The following SEC14L5 variants were observed in gnomAD, a reference collection of about 807,000 sequenced individuals.
The protein encoded by SEC14L5 is SEC14 like lipid binding 5.
Under a neutral mutation model 84.6 loss-of-function variants are expected in SEC14L5, and 96 were observed. That is an observed-to-expected ratio of 1.13 (90% CI 0.96 to 1.34). The LOEUF is 1.34. Ranked by LOEUF, SEC14L5 falls within the 40% of genes most tolerant of loss-of-function variation. SEC14L5 has a pLI of 0.00. For synonymous variants in SEC14L5, 546 were observed against 383.4 expected (o/e 1.42, Z -4.95); for missense variants, 1,224 against 942.5 (o/e 1.30, Z -3.91).
rs758318632 is a variant in SEC14L5 at position 5,000,760 on chromosome 16, G to A, written c.1059+17G>A. 2.0e-5 allele frequency: 31 copies of A among 1,554,136 alleles called. 1 individual carries two copies. The South Asian group carries it at 2.5e-4, about 12-fold the overall frequency. On this transcript the variant is annotated intron_variant, in intron 9 of 15. Coordinates refer to ENST00000251170, the MANE Select transcript of SEC14L5 (RefSeq NM_014692.2). The stretch of plus-strand genomic sequence containing the variant: ...CTGCGGCATGTGAGTCAGGGGCCTC[G>A]TTCCTGGACGCCGTGCCTGGGGCCG...
rs765700967 is a variant in SEC14L5 at position 5,011,227 on chromosome 16, T to G, written c.1933T>G (p.Cys645Gly). 6.2e-7 allele frequency: 1 copy of G among 1,613,858 alleles called. No individual in the cohort carries two copies. Among genetic ancestry groups the G allele is most frequent in the Non-Finnish European group, 8.5e-7 (1 of 1,179,876 alleles). Residue 645 changes from cysteine (C) to glycine (G), a missense_variant, in exon 15 of 16, where the codon TGC becomes GGC. Coordinates refer to ENST00000251170, the MANE Select transcript of SEC14L5 (RefSeq NM_014692.2). ...GGCTCTGCACAGCCCCGGGCCCAAG[T>G]GCAAACTTCTCTACTACTGTGAGGT... ...LTALHSPGPK[C>G]KLLYYCEVLA... is the part of the protein sequence containing the mutation.
chr16:4,970,837 C>T (rs1194494745), intron 2 of SEC14L5, among the ~76,000 whole-genome samples: 2 of 152,144 alleles, frequency 1.3e-5, no homozygotes, highest in Non-Finnish European at 1.5e-5. Flanking sequence ...TGGCTGGGTG[C>T]GGTGGCTCGT....
chr16:4,985,507 C>G (rs989297451), intron 2 of SEC14L5, among the ~76,000 whole-genome samples: 1 of 152,190 alleles, frequency 6.6e-6, no homozygotes. Flanking sequence ...GGATTAGAAG[C>G]GTGAGCCACC....
chr16:4,978,124 C>T (rs1002722630), intron 2 of SEC14L5, among the ~76,000 whole-genome samples: 1 of 134,294 alleles, frequency 7.4e-6, no homozygotes, highest in Non-Finnish European at 1.6e-5. Context: ...TTTAAAGAAA[C>T]AAGATCTTGG....
At chr16:4,968,834 C>G (rs118094816) in intron 2 of SEC14L5, among the ~76,000 whole-genome samples, 2 of 152,152 alleles carry the variant, frequency 1.3e-5, no homozygotes, top group African/African-American at 4.8e-5. Flanking sequence ...GGAAGGGTTA[C>G]GGAGGTAAGG....
At chr16:5,013,335 C>G (rs17706797) in intron 15 of SEC14L5, among the ~76,000 whole-genome samples, 1 of 151,896 alleles carries the variant, frequency 6.6e-6, no homozygotes, top group South Asian at 2.1e-4. Flanking sequence ...GAACGTGACA[C>G]TGGACTGAGA....
intron 2 of SEC14L5, among the ~76,000 whole-genome samples, chr16:4,963,044 G>A (rs902125352): frequency 2.6e-5 from 4 of 152,136 alleles, no homozygotes; most frequent in African/African-American, 9.7e-5. Context: ...GCATCCGAGT[G>A]ACCAGAAAAG....
chr16:4,999,622 A>G (rs1955653434), intron 8 of SEC14L5, among the ~76,000 whole-genome samples: 1 of 151,946 alleles, frequency 6.6e-6, no homozygotes, highest in Non-Finnish European at 1.5e-5. Flanking sequence ...CCTGCCTCAA[A>G]GAACAAAGAG....
rs2142512467 is a variant in SEC14L5, at chr16:4,996,419, A to C, written c.739A>C (p.Ile247Leu). Residue 247 changes from isoleucine (I) to leucine (L), a missense_variant, in exon 7 of 16, where the codon ATC becomes CTC. Ile to Leu is a conservative substitution (Grantham distance 5). Coordinates refer to ENST00000251170, the MANE Select transcript of SEC14L5 (RefSeq NM_014692.2). ...HLTPMQESCL[I>L]QLRHWLQETH... ...CACGCCCATGCAGGAGAGCTGCCTG[A>C]TCCAGCTTCGGCACTGGTTACAGGA... The C allele has an allele frequency of 6.4e-7, 1 of 1,574,158 alleles. No homozygotes were observed. The highest frequency in any genetic ancestry group is 2.4e-5 in the East Asian group (1 of 42,382).
intron 10 of SEC14L5, among the ~76,000 whole-genome samples, chr16:5,001,665 T>TC (rs957636914): frequency 2.0e-5 from 3 of 152,120 alleles, no homozygotes; most frequent in African/African-American, 7.2e-5. Context: ...GTCCTCTGAC[T>TC]CCCCCGCATT....
intron 2 of SEC14L5, among the ~76,000 whole-genome samples, chr16:4,968,262 C>G (rs1435264611): frequency 6.6e-6 from 1 of 151,720 alleles, no homozygotes; most frequent in Non-Finnish European, 1.5e-5. Context: ...TCACTGAAAC[C>G]TCTGCCTCCC....
intron 6 of SEC14L5, among the ~76,000 whole-genome samples, chr16:4,994,028 C>A (rs1327463123): frequency 6.9e-6 from 1 of 145,612 alleles, no homozygotes; most frequent in Non-Finnish European, 1.5e-5. Flanking sequence ...TTCTTATTTG[C>A]CCATTGCTTT....
In SEC14L5 at chr16:5,016,374, G is replaced by C. The variant is rs979109642; in HGVS notation, c.*1404G>C. The C allele has an allele frequency of 1.3e-5, 2 of 152,172 alleles. No homozygotes were observed. Among genetic ancestry groups the C allele is most frequent in the Non-Finnish European group, 2.9e-5 (2 of 68,036 alleles). 9.4% of individuals were successfully genotyped at this position (152,172 alleles called of 1,614,324 possible). On this transcript the variant is annotated 3_prime_UTR_variant, in exon 16 of 16. Coordinates refer to ENST00000251170, the MANE Select transcript of SEC14L5 (RefSeq NM_014692.2). ...AGTGTTGCTTTTTTGCCTTTAGAAT[G>C]GTTTAAAAATTGAGGCATTTCGCAT... is the stretch of plus-strand genomic sequence containing the variant.
At chr16:4,984,787 A>G (rs943310308) in intron 2 of SEC14L5, among the ~76,000 whole-genome samples, 1 of 152,208 alleles carries the variant, frequency 6.6e-6, no homozygotes, top group Non-Finnish European at 1.5e-5. Flanking sequence ...TTCCCTAGTG[A>G]CTAATGATGT....
intron 11 of SEC14L5, among the ~76,000 whole-genome samples, chr16:5,004,248 C>T (rs1955707918): frequency 6.6e-6 from 1 of 152,176 alleles, no homozygotes; most frequent in Non-Finnish European, 1.5e-5. Context: ...CCAGGAAGTT[C>T]TCTAGCTTTT....
chr16:4,994,887 G>C (rs1955592982), intron 6 of SEC14L5, among the ~76,000 whole-genome samples: 1 of 152,080 alleles, frequency 6.6e-6, no homozygotes, highest in African/African-American at 2.4e-5. Context: ...CTGAGTCTTT[G>C]TGCTCAGAAG....
intron 2 of SEC14L5, among the ~76,000 whole-genome samples, chr16:4,986,763 A>G (rs1314605738): frequency 6.6e-6 from 1 of 152,148 alleles, no homozygotes; most frequent in Non-Finnish European, 1.5e-5. Context: ...TGTTGAATAT[A>G]TTCCTAAGTA....
At chr16:5,006,670 T>A (rs552899722) in intron 12 of SEC14L5, among the ~76,000 whole-genome samples, 1 of 152,350 alleles carries the variant, frequency 6.6e-6, no homozygotes, top group South Asian at 2.1e-4. Context: ...TTCTGGATTT[T>A]AAAAAAGTCT....
chr16:5,007,212 G>C, intron 12 of SEC14L5, 140 bp from the exon 13 acceptor site: 1 of 633,662 alleles, frequency 1.6e-6, no homozygotes, highest in East Asian at 2.8e-5. Flanking sequence ...GGATTAAATG[G>C]GGTCATGGAA....
Sources: gnomAD v4.1 joint callset for allele counts (sites outside exome capture counted in the v4.1 genomes callset) on GRCh38, gnomAD v4.1.1 for gene constraint, MANE v1.5 for transcripts, NCBI Gene and HGNC (gene_info 2026-07-23, HGNC 2026-07-21) for gene names.